Variants in ZFHX3 observed in about 807,000 individuals in gnomAD.
The protein encoded by ZFHX3 is zinc finger homeobox protein 3.
Under a neutral mutation model 279.1 loss-of-function variants are expected in ZFHX3, and 42 were observed. The ratio of observed to expected loss-of-function variants is 0.15; its 90% CI spans 0.12 to 0.19. The LOEUF is 0.19. ZFHX3 is among the 10% of genes least tolerant of loss of function. The pLI, the probability that ZFHX3 is intolerant of heterozygous loss-of-function variation, is 1.00. For synonymous variants in ZFHX3, 2,293 were observed against 1,957.8 expected (o/e 1.17, Z -4.52); for missense variants, 4,981 against 4,754.0 (o/e 1.05, Z -1.40).
chr16:73,291,828 G>C (rs532661342), intron 4 of ZFHX3, among the ~76,000 whole-genome samples: 3 of 152,198 alleles, frequency 2.0e-5, no homozygotes, highest in Non-Finnish European at 4.4e-5. Context: ...AAGGTTAATA[G>C]GGCCTGGCTT....
In ZFHX3 at chr16:72,794,492, G is replaced by GT; in HGVS notation, c.8189_8190insA (p.Arg2731ProfsTer7). 1 of 1,614,212 alleles carries GT rather than the reference G, an allele frequency of 6.2e-7. No individual in the cohort carries two copies. The highest frequency in any genetic ancestry group is 8.5e-7 in the Non-Finnish European group (1 of 1,180,038). ...TGGCTTCATGCCAGTGACGGGACCG[G>GT]ATATGAGCCTCAAGAGCAGTCTTGG... On this transcript the variant is annotated frameshift_variant, in exon 9 of 10. Coordinates refer to ENST00000268489, the MANE Select transcript of ZFHX3 (RefSeq NM_006885.4). LOFTEE classifies it high-confidence loss of function. The surrounding 1 kb of genome is among the most constrained non-coding windows in gnomAD (Gnocchi z 4.2).
chr16:73,044,797 T>C (rs1965233085), intron 1 of ZFHX3, among the ~76,000 whole-genome samples: 1 of 152,124 alleles, frequency 6.6e-6, no homozygotes, highest in Admixed American at 6.6e-5. Context: ...AATTTTGTAT[T>C]TTTAGTAGAG....
intron 8 of ZFHX3, among the ~76,000 whole-genome samples, chr16:73,076,575 A>G (rs975413381): frequency 7.9e-5 from 12 of 152,222 alleles, no homozygotes; most frequent in African/African-American, 2.9e-4. Context: ...CCAGGGACTC[A>G]TCATAAAAGT....
intron 4 of ZFHX3, among the ~76,000 whole-genome samples, chr16:73,312,511 A>G (rs917265862): frequency 6.6e-6 from 1 of 152,222 alleles, no homozygotes; most frequent in African/African-American, 2.4e-5. Flanking sequence ...CCGAGAGGAC[A>G]GTGGGCTGGG....
At chr16:73,805,902 A>G (rs1261316325) in intron 1 of ZFHX3, among the ~76,000 whole-genome samples, 1 of 152,230 alleles carries the variant, frequency 6.6e-6, no homozygotes, top group Non-Finnish European at 1.5e-5. Flanking sequence ...CTTCAGTGAA[A>G]TGAGGGAACA....
chr16:73,285,655 C>T (rs1396678330), intron 4 of ZFHX3, among the ~76,000 whole-genome samples: 2 of 152,140 alleles, frequency 1.3e-5, no homozygotes, highest in South Asian at 2.1e-4. Context: ...TGGTCATGTC[C>T]GTCAGGGAAA....
intron 2 of ZFHX3, among the ~76,000 whole-genome samples, chr16:72,955,655 G>A (rs549344354): frequency 6.6e-6 from 1 of 151,138 alleles, no homozygotes; most frequent in Non-Finnish European, 1.5e-5. Context: ...GCGGGTGCCT[G>A]TAATCCCAGC....
intron 2 of ZFHX3, among the ~76,000 whole-genome samples, chr16:73,573,976 C>G (rs2051769793): frequency 6.6e-6 from 1 of 152,134 alleles, no homozygotes; most frequent in Non-Finnish European, 1.5e-5. Context: ...TTTCTTCCTC[C>G]CTTCCCTCTC....
intron 3 of ZFHX3, among the ~76,000 whole-genome samples, chr16:73,392,256 C>T (rs2017028127): frequency 6.6e-6 from 1 of 151,296 alleles, no homozygotes; most frequent in Non-Finnish European, 1.5e-5. Context: ...CCCATCTCTA[C>T]CCAAAAACAC....
intron 2 of ZFHX3, among the ~76,000 whole-genome samples, chr16:73,651,870 A>G (rs2052675548): frequency 7.0e-6 from 1 of 142,384 alleles, no homozygotes; most frequent in Non-Finnish European, 1.5e-5. Flanking sequence ...AAAAAAAAAA[A>G]GAGACAAATT....
At chr16:73,803,229 A>G (rs1423156897) in intron 1 of ZFHX3, among the ~76,000 whole-genome samples, 1 of 152,256 alleles carries the variant, frequency 6.6e-6, no homozygotes, top group Non-Finnish European at 1.5e-5. Context: ...GAAATGTACA[A>G]AAGATACCCA....
intron 1 of ZFHX3, among the ~76,000 whole-genome samples, chr16:73,788,889 G>A (rs985215120): frequency 1.4e-4 from 21 of 151,470 alleles, no homozygotes; most frequent in African/African-American, 4.4e-4. Context: ...CAGGAGATCC[G>A]CCCACCTTGG....
chr16:73,101,142 C>T (rs1391361992), intron 7 of ZFHX3, among the ~76,000 whole-genome samples: 1 of 152,170 alleles, frequency 6.6e-6, no homozygotes, highest in African/African-American at 2.4e-5. Flanking sequence ...ATCTCCTCTG[C>T]TTCACTTTCG....
intron 5 of ZFHX3, among the ~76,000 whole-genome samples, chr16:73,231,476 G>A (rs913903411): frequency 6.6e-6 from 1 of 152,214 alleles, no homozygotes; most frequent in South Asian, 2.1e-4. Context: ...TAGCAGCTGA[G>A]AGGGAACGCT....
In ZFHX3 at chr16:72,958,344, G is replaced by A. The variant is rs1392636599; in HGVS notation, c.1802C>T (p.Thr601Ile). ...ADESANKDNA[T>I]APEPNESTEG... ...TGTGCTTTCATTTGGTTCTGGTGCT[G>A]TGGCATTGTCTTTATTGGCACTTTC... is the stretch of plus-strand genomic sequence containing the variant. The change falls in exon 2 of 10, where the codon ACA (threonine) becomes ATA (isoleucine). Residue 601 changes from threonine to isoleucine, a missense_variant. Physicochemically the swap from Thr to Ile is moderately conservative, Grantham distance 89 (BLOSUM62 -1). This residue lies in a region of ZFHX3 where 1,068 missense variants were observed against 935.2 expected (regional missense o/e 1.14). Coordinates refer to ENST00000268489, the MANE Select transcript of ZFHX3 (RefSeq NM_006885.4). The A allele has an allele frequency of 7.4e-6, 12 of 1,613,972 alleles. No homozygotes were observed. The highest frequency in any genetic ancestry group is 2.7e-5 in the African/African-American group (2 of 74,922).
chr16:73,273,961 G>C (rs2143036325), intron 4 of ZFHX3, among the ~76,000 whole-genome samples: 1 of 152,186 alleles, frequency 6.6e-6, no homozygotes, highest in African/African-American at 2.4e-5. Context: ...TGGCCAACAT[G>C]GTAAAACCCC....
intron 1 of ZFHX3, among the ~76,000 whole-genome samples, chr16:73,769,205 T>C (rs2053988868): frequency 6.6e-6 from 1 of 152,140 alleles, no homozygotes; most frequent in Admixed American, 6.5e-5. Flanking sequence ...TTCCCAACTT[T>C]ACACAGCTAG....
chr16:73,294,969 T>A (rs2143111251), intron 4 of ZFHX3, among the ~76,000 whole-genome samples: 1 of 151,854 alleles, frequency 6.6e-6, no homozygotes, highest in Middle Eastern at 3.4e-3. Flanking sequence ...ATCCCAGCAC[T>A]TTCGGAGGCC....
chr16:72,874,432 G>C (rs2038254334), intron 4 of ZFHX3, among the ~76,000 whole-genome samples: 1 of 151,900 alleles, frequency 6.6e-6, no homozygotes, highest in Admixed American at 6.6e-5. Flanking sequence ...GCGATCTCCT[G>C]ACCTCGTGAT....
Sources: allele counts gnomAD v4.1 joint callset (sites outside exome capture counted in the v4.1 genomes callset), GRCh38; gene constraint gnomAD v4.1.1; regional missense constraint gnomAD v4.1.1; non-coding constraint Gnocchi (gnomAD v3.1); transcripts MANE v1.5; gene names NCBI Gene and HGNC (gene_info 2026-07-23, HGNC 2026-07-21).